TM9SF3: variants seen among roughly 807,000 people sequenced by gnomAD.
The protein encoded by TM9SF3 is SM-11044-binding protein.
In TM9SF3, 14 loss-of-function variants were observed where a neutral mutation model predicts 78.6. The observed-to-expected ratio is 0.18, with a 90% CI of 0.12 to 0.28. The LOEUF is 0.28. TM9SF3 is among the 10% of genes least tolerant of loss of function. TM9SF3 has a pLI of 1.00. For synonymous variants in TM9SF3, 231 were observed against 241.7 expected, an observed-to-expected ratio of 0.96 and a Z score of 0.41; for missense variants, 496 against 721.9, an observed-to-expected ratio of 0.69 and a Z score of 3.59.
chr10:96,552,159 A>G (rs1848178234), intron 6 of TM9SF3, among the ~76,000 whole-genome samples: 1 of 152,144 alleles, frequency 6.6e-6, no homozygotes, highest in Non-Finnish European at 1.5e-5. Flanking sequence ...AAAATTTGAA[A>G]CTATTTCCCA....
chr10:96,528,235 C>T, intron 11 of TM9SF3, 58 bp from the exon 12 acceptor site: 1 of 1,488,774 alleles, frequency 6.7e-7, no homozygotes, highest in South Asian at 1.4e-5. Context: ...GCTCACTCTG[C>T]TCTTCGTGAG....
chr10:96,527,465 T>C lies in TM9SF3; in HGVS notation c.1573A>G (p.Thr525Ala), dbSNP rs74815049. The C allele has an allele frequency of 3.1e-6, 5 of 1,611,264 alleles. No homozygotes were observed. The highest frequency in any genetic ancestry group is 4.5e-5 in the East Asian group (2 of 44,786). ...QWTSFLSAAS[T>A]AIYVYMYSFY... ...GAATACATGTAAACATAGATTGCAG[T>C]TGATGCAGCAGAGAGAAAACTTGTC... Residue 525 changes from threonine to alanine, a missense_variant, in exon 13 of 15, where the codon ACT becomes GCT. Physicochemically the swap from Thr to Ala is moderately conservative, Grantham distance 58 (BLOSUM62 0). Around this residue, in one of 4 missense-constraint regions of TM9SF3, gnomAD observed 280 missense variants for 422.6 expected, o/e 0.66. Transcript: ENST00000371142.
chr10:96,570,557 T>C (rs1378351764), intron 2 of TM9SF3, among the ~76,000 whole-genome samples: 1 of 152,246 alleles, frequency 6.6e-6, no homozygotes, highest in Non-Finnish European at 1.5e-5. Context: ...TTATTTGGTC[T>C]GGCTAAAACA....
At chr10:96,574,064 T>G (rs985655477) in intron 2 of TM9SF3, among the ~76,000 whole-genome samples, 3 of 152,130 alleles carry the variant, frequency 2.0e-5, no homozygotes, top group Admixed American at 1.3e-4. Flanking sequence ...AAAGCCAAAA[T>G]AGACAAACAG....
At chr10:96,535,700 GA>G (rs1189757288) in intron 9 of TM9SF3, among the ~76,000 whole-genome samples, 1 of 152,120 alleles carries the variant, frequency 6.6e-6, no homozygotes, top group African/African-American at 2.4e-5. Context: ...GTGGGGAGAA[GA>G]AAGATTTACT....
chr10:96,558,414 A>G (rs1848260468), intron 5 of TM9SF3, among the ~76,000 whole-genome samples: 1 of 152,080 alleles, frequency 6.6e-6, no homozygotes. Flanking sequence ...GGCTAAGGGC[A>G]GGTGGATCAC....
chr10:96,550,683 TTTTG>T (rs1848158575), intron 7 of TM9SF3, among the ~76,000 whole-genome samples: 1 of 152,192 alleles, frequency 6.6e-6, no homozygotes, highest in Non-Finnish European at 1.5e-5. Context: ...TTACAAATGG[TTTTG>T]TTTGCAAAGA....
At chr10:96,559,772 G>C in intron 4 of TM9SF3, 36 bp from the exon 5 acceptor site, 2 of 1,285,708 alleles carry the variant, frequency 1.6e-6, no homozygotes, top group Non-Finnish European at 2.2e-6. Context: ...ATAAAGGCCA[G>C]TAAACAAATT....
At chr10:96,556,583 T>G (rs763276489) in intron 5 of TM9SF3, among the ~76,000 whole-genome samples, 6 of 152,090 alleles carry the variant, frequency 3.9e-5, no homozygotes, top group Non-Finnish European at 4.4e-5. Context: ...CTCTCCTTTT[T>G]CTCCTGCATT....
intron 5 of TM9SF3, among the ~76,000 whole-genome samples, chr10:96,557,889 T>C (rs1848254647): frequency 6.6e-6 from 1 of 152,222 alleles, no homozygotes; most frequent in Admixed American, 6.5e-5. Context: ...ACACTTCTCT[T>C]TGAATAAAGT....
chr10:96,582,258 G>A (rs1848578544), intron 1 of TM9SF3, among the ~76,000 whole-genome samples: 2 of 152,258 alleles, frequency 1.3e-5, no homozygotes, highest in South Asian at 4.2e-4. Flanking sequence ...TTATAACTAT[G>A]GAATTACATG....
intron 5 of TM9SF3, among the ~76,000 whole-genome samples, chr10:96,559,277 G>A (rs958815471): frequency 1.3e-5 from 2 of 152,168 alleles, no homozygotes; most frequent in Non-Finnish European, 2.9e-5. Flanking sequence ...CTGAGTTTCA[G>A]TAGTAAGAAG....
chr10:96,555,146 C>T (rs1203346769), intron 5 of TM9SF3, among the ~76,000 whole-genome samples: 3 of 152,008 alleles, frequency 2.0e-5, no homozygotes, highest in Admixed American at 2.0e-4. Flanking sequence ...GTTGTACACC[C>T]TATTTCTCTC....
chr10:96,553,436 T>C (rs1355547862), intron 5 of TM9SF3, among the ~76,000 whole-genome samples: 1 of 152,200 alleles, frequency 6.6e-6, no homozygotes, highest in Non-Finnish European at 1.5e-5. Flanking sequence ...TTTTCTCATC[T>C]GGAAAATGGA....
At position 96,544,354 on chromosome 10, in the gene TM9SF3, G is replaced by A. The variant is rs76413144; in HGVS notation, c.1055-148C>T. The A allele has an allele frequency of 5.9e-4, 421 of 714,590 alleles. 7 individuals carry two copies. The East Asian group carries it at 0.013, about 22-fold the overall frequency. The allele number at this position is 714,590 out of a possible 1,614,324, so 44.3% of individuals were successfully genotyped here. ...ACAAATACCAAAGATTTCCAAGTAC[G>A]TATAGTGAAATCACAGCTTCTGAAG... On this transcript the variant is annotated intron_variant, in intron 8 of 14. Transcript: ENST00000371142.
chr10:96,566,611 C>T (rs570209771), intron 2 of TM9SF3, among the ~76,000 whole-genome samples: 3 of 152,272 alleles, frequency 2.0e-5, no homozygotes, highest in South Asian at 4.1e-4. Flanking sequence ...TCTCCAACAG[C>T]GACTCCCACA....
chr10:96,536,152 G>A (rs940298471), intron 9 of TM9SF3, among the ~76,000 whole-genome samples: 3 of 151,458 alleles, frequency 2.0e-5, no homozygotes, highest in Non-Finnish European at 2.9e-5. Flanking sequence ...ACAAATAGAA[G>A]GGAACTTTAA....
intron 9 of TM9SF3, among the ~76,000 whole-genome samples, chr10:96,542,107 T>C (rs1848040655): frequency 6.6e-6 from 1 of 152,150 alleles, no homozygotes; most frequent in South Asian, 2.1e-4. Context: ...TGTCAAGAAG[T>C]CAAACAACTA....
chr10:96,576,567 G>T (rs1848498961), intron 2 of TM9SF3, 67 bp downstream of exon 2: 1 of 1,413,402 alleles, frequency 7.1e-7, no homozygotes, highest in Non-Finnish European at 9.5e-7. Context: ...AGTGTCAATA[G>T]TGCCAAAATA....
Sources: gnomAD v4.1 joint callset for allele counts (sites outside exome capture counted in the v4.1 genomes callset) on GRCh38, gnomAD v4.1.1 for gene constraint, gnomAD v4.1.1 regional missense constraint, MANE v1.5 for transcripts, NCBI Gene and HGNC (gene_info 2026-07-23, HGNC 2026-07-21) for gene names.